The following BARD1 variants were observed in gnomAD, a reference collection of about 807,000 sequenced individuals.
BARD1 encodes BRCA1-associated RING domain protein 1.
BARD1 carries 73 observed loss-of-function variants against 77.0 expected under a neutral mutation model. The ratio of observed to expected loss-of-function variants is 0.95; its 90% CI spans 0.79 to 1.15. BARD1 has a LOEUF of 1.15. Ranked by LOEUF, BARD1 falls within the 50% of genes most tolerant of loss-of-function variation. BARD1 has a pLI of 0.00. For synonymous variants in BARD1, 384 were observed against 338.0 expected (o/e 1.14, Z -1.49); for missense variants, 993 against 938.8 (o/e 1.06, Z -0.75).
intron 3 of BARD1, among the ~76,000 whole-genome samples, chr2:214,782,043 G>C: frequency 6.6e-6 from 1 of 152,078 alleles, no homozygotes; most frequent in Admixed American, 6.6e-5. Flanking sequence ...AAAAGACTTA[G>C]AACAACCAAC....
At position 214,726,347 on chromosome 2, in the gene BARD1, G is replaced by A; in HGVS notation, c.*2329C>T. The A allele has an allele frequency of 4.9e-6, 1 of 203,748 alleles. No individual in the cohort carries two copies. Among genetic ancestry groups the A allele is most frequent in the East Asian group, 7.6e-5 (1 of 13,096 alleles). The allele number at this position is 203,748 out of a possible 1,614,324, so 12.6% of individuals were successfully genotyped here. The stretch of plus-strand genomic sequence containing the variant: ...AAGTAGAACTAGAAAATAGCCATGA[G>A]AATGTGGAAAAGCTACCAGCCTCTC... On this transcript the variant is annotated 3_prime_UTR_variant, in exon 11 of 11. Coordinates refer to ENST00000260947, the MANE Select transcript of BARD1 (RefSeq NM_000465.4).
chr2:214,758,166 T>C (rs781724251), intron 6 of BARD1, among the ~76,000 whole-genome samples: 2 of 152,124 alleles, frequency 1.3e-5, no homozygotes, highest in Admixed American at 6.6e-5. Context: ...AGAGTTGGGG[T>C]TACCGAATAA....
intron 6 of BARD1, among the ~76,000 whole-genome samples, chr2:214,754,561 C>T (rs1186976371): frequency 6.6e-6 from 1 of 152,098 alleles, no homozygotes; most frequent in Non-Finnish European, 1.5e-5. Context: ...TCTCAAAGTA[C>T]CACCATCAGC....
At chr2:214,783,502 A>T (rs1013405027) in intron 3 of BARD1, among the ~76,000 whole-genome samples, 1 of 152,164 alleles carries the variant, frequency 6.6e-6, no homozygotes, top group Non-Finnish European at 1.5e-5. Context: ...TATAAGTGGA[A>T]GTTAAACAAT....
chr2:214,809,316 G>A (rs1387798852), intron 1 of BARD1, 96 bp downstream of exon 1: 10 of 1,538,770 alleles, frequency 6.5e-6, no homozygotes, highest in Non-Finnish European at 8.8e-6. Flanking sequence ...GCGCGGGAAC[G>A]GAAGGAGGAA....
At chr2:214,775,966 A>G (rs1296283810) in intron 4 of BARD1, among the ~76,000 whole-genome samples, 1 of 152,216 alleles carries the variant, frequency 6.6e-6, no homozygotes, top group Non-Finnish European at 1.5e-5. Flanking sequence ...CAAGTATAAT[A>G]AACTACAAAG....
intron 6 of BARD1, 95 bp from the exon 7 acceptor site, chr2:214,752,650 TA>T (rs1368341493): frequency 1.1e-6 from 1 of 900,882 alleles, no homozygotes; most frequent in African/African-American, 1.7e-5. Context: ...TTAACTAAAA[TA>T]AATTACTCAG....
At chr2:214,765,164 T>C (rs568467742) in intron 6 of BARD1, among the ~76,000 whole-genome samples, 52 of 152,332 alleles carry the variant, frequency 3.4e-4, no homozygotes, top group African/African-American at 1.2e-3. Context: ...GGCTACTGAA[T>C]GTCCAGCATA....
rs752514155 is a variant in BARD1, at chr2:214,809,515, C to G, written c.55G>C (p.Glu19Gln). 1 of 1,597,366 alleles carries G rather than the reference C, an allele frequency of 6.3e-7. No homozygotes were observed. The highest frequency in any genetic ancestry group is 1.3e-5 in the African/African-American group (1 of 74,694). ...TCCATGGCGGGCGCGGAACGAGGCT[C>G]GTTCCCGGAGCGGATCCTCGGCTGC... ...NRQPRIRSGN[E>Q]PRSAPAMEPD... Residue 19 changes from glutamate (E) to glutamine (Q), a missense_variant, in exon 1 of 11, where the codon GAG (glutamate) becomes CAG (glutamine). Glu to Gln is a conservative substitution (Grantham distance 29, BLOSUM62 2). Coordinates refer to ENST00000260947, the MANE Select transcript of BARD1 (RefSeq NM_000465.4).
chr2:214,771,729 GAA>G (rs531643614), intron 4 of BARD1, among the ~76,000 whole-genome samples: 9 of 142,812 alleles, frequency 6.3e-5, no homozygotes, highest in African/African-American at 2.0e-4. Context: ...CTCTACCTCA[GAA>G]AAAAAAAAAA....
At chr2:214,759,289 C>T (rs1302077934) in intron 6 of BARD1, among the ~76,000 whole-genome samples, 1 of 151,898 alleles carries the variant, frequency 6.6e-6, no homozygotes, top group Non-Finnish European at 1.5e-5. Context: ...TCCTACATAT[C>T]CATTAAAAAT....
At chr2:214,756,876 G>A (rs1231236459) in intron 6 of BARD1, among the ~76,000 whole-genome samples, 1 of 152,166 alleles carries the variant, frequency 6.6e-6, no homozygotes, top group African/African-American at 2.4e-5. Flanking sequence ...ACTGGGTTCA[G>A]TGTGTACTGC....
chr2:214,792,255 T>A, intron 3 of BARD1, 42 bp downstream of exon 3: 1 of 1,578,062 alleles, frequency 6.3e-7, no homozygotes, highest in South Asian at 1.1e-5. Flanking sequence ...CATCAGTTTT[T>A]AACTGATGAA....
intron 6 of BARD1, among the ~76,000 whole-genome samples, chr2:214,758,446 TAA>T (rs1047366871): frequency 6.6e-6 from 1 of 152,190 alleles, no homozygotes; most frequent in African/African-American, 2.4e-5. Context: ...GGGCACAAAA[TAA>T]GTTATGTCTG....
At chr2:214,766,787 ATTAC>A (rs899076935) in intron 6 of BARD1, among the ~76,000 whole-genome samples, 3 of 152,180 alleles carry the variant, frequency 2.0e-5, no homozygotes, top group Non-Finnish European at 4.4e-5. Context: ...TTTTACCTAT[ATTAC>A]TTATTATCGT....
At chr2:214,776,818 C>A (rs530706819) in intron 4 of BARD1, among the ~76,000 whole-genome samples, 1 of 152,194 alleles carries the variant, frequency 6.6e-6, no homozygotes, top group South Asian at 2.1e-4. Context: ...TCAAGTAGCC[C>A]AATTTAATCG....
At chr2:214,793,899 A>G (rs1481006352) in intron 2 of BARD1, among the ~76,000 whole-genome samples, 1 of 152,148 alleles carries the variant, frequency 6.6e-6, no homozygotes, top group Non-Finnish European at 1.5e-5. Context: ...TTCATGTAAC[A>G]GAGTATAAAA....
At chr2:214,775,810 T>C (rs1270960901) in intron 4 of BARD1, among the ~76,000 whole-genome samples, 2 of 152,130 alleles carry the variant, frequency 1.3e-5, no homozygotes, top group Non-Finnish European at 2.9e-5. Flanking sequence ...AGGAGAAAAA[T>C]AGATACTGAC....
rs1696487573 is a variant in BARD1, at chr2:214,809,661, C to T, written c.-92G>A. 1.4e-6 allele frequency: 2 copies of T among 1,476,966 alleles called. No individual in the cohort carries two copies. The highest frequency in any genetic ancestry group is 1.4e-5 in the African/African-American group (1 of 71,772). The allele number at this position is 1,476,966 out of a possible 1,614,324, so 91.5% of individuals were successfully genotyped here. A position where few individuals can be genotyped will look rare whatever the true frequency, so the allele number is the denominator to read the frequency against. On this transcript the variant is annotated 5_prime_UTR_variant, in exon 1 of 11. Transcript: ENST00000260947. ...GAAGCTGCAGGCCAGCGACTCGAAA[C>T]CGGCCAAGCTCTTCCCGCGTCTGGG... is the stretch of plus-strand genomic sequence containing the variant.
Sources: allele counts gnomAD v4.1 joint callset (sites outside exome capture counted in the v4.1 genomes callset), GRCh38; gene constraint gnomAD v4.1.1; transcripts MANE v1.5; gene names NCBI Gene and HGNC (gene_info 2026-07-23, HGNC 2026-07-21).